The following PLCL1 variants were observed in gnomAD, a reference collection of about 807,000 sequenced individuals.
PLCL1 encodes the protein phospholipase C like 1 (inactive), also known as inactive phospholipase C-like protein 1.
A neutral mutation model predicts 84.4 loss-of-function variants in PLCL1; 41 were observed. That is an observed-to-expected ratio of 0.49 (90% CI 0.38 to 0.63). PLCL1 has a LOEUF of 0.63. Ranked by LOEUF, PLCL1 falls within the 30% of genes least tolerant of loss-of-function variation. PLCL1 has a pLI of 0.00. For synonymous variants in PLCL1, 490 were observed against 488.3 expected (o/e 1.00, Z -0.05); for missense variants, 1,206 against 1,367.8 (o/e 0.88, Z 1.87).
chr2:197,979,023 G>A (rs2105803282), intron 1 of PLCL1, among the ~76,000 whole-genome samples: 1 of 152,336 alleles, frequency 6.6e-6, no homozygotes, highest in South Asian at 2.1e-4. Context: ...GGATTGCTCT[G>A]TAGGCCCAGT....
chr2:197,833,162 T>C (rs930976726), intron 1 of PLCL1, among the ~76,000 whole-genome samples: 1 of 152,070 alleles, frequency 6.6e-6, no homozygotes, highest in African/African-American at 2.4e-5. Flanking sequence ...CTCAATAAGG[T>C]AGGTATTGAT....
chr2:197,912,513 T>C (rs1316556953), intron 1 of PLCL1, among the ~76,000 whole-genome samples: 1 of 151,486 alleles, frequency 6.6e-6, no homozygotes, highest in African/African-American at 2.4e-5. Flanking sequence ...ATTGCGGCAT[T>C]ATTCACAATA....
At chr2:197,984,147 G>T (rs1206274587) in intron 1 of PLCL1, among the ~76,000 whole-genome samples, 12 of 152,108 alleles carry the variant, frequency 7.9e-5, no homozygotes, top group African/African-American at 2.9e-4. Context: ...TGGAAAACGG[G>T]TACTTTCCAA....
intron 1 of PLCL1, among the ~76,000 whole-genome samples, chr2:197,902,991 A>G (rs1688297255): frequency 6.6e-6 from 1 of 152,242 alleles, no homozygotes; most frequent in Admixed American, 6.5e-5. Flanking sequence ...GATTTTACAA[A>G]TATGGGGCAT....
At chr2:197,820,670 C>A (rs1237333674) in intron 1 of PLCL1, among the ~76,000 whole-genome samples, 1 of 152,026 alleles carries the variant, frequency 6.6e-6, no homozygotes, top group African/African-American at 2.4e-5. Context: ...AAGTTGAAAT[C>A]AAAATTTAAA....
intron 1 of PLCL1, among the ~76,000 whole-genome samples, chr2:197,997,757 C>G (rs1559069021): frequency 6.6e-6 from 1 of 152,058 alleles, no homozygotes; most frequent in Non-Finnish European, 1.5e-5. Context: ...TGGAGTGGAG[C>G]CTTTAGAAAG....
chr2:197,864,483 C>CTT (rs112456376), intron 1 of PLCL1, among the ~76,000 whole-genome samples: 5 of 139,394 alleles, frequency 3.6e-5, no homozygotes, highest in African/African-American at 1.1e-4. Flanking sequence ...CAATAGCATT[C>CTT]TTTTTTTTTT....
chr2:197,929,118 G>T (rs1047100024), intron 1 of PLCL1, among the ~76,000 whole-genome samples: 1 of 152,136 alleles, frequency 6.6e-6, no homozygotes, highest in Admixed American at 6.6e-5. Flanking sequence ...TGAATAAACA[G>T]TTTCCAGGCC....
At chr2:197,962,248 C>A (rs956061677) in intron 1 of PLCL1, among the ~76,000 whole-genome samples, 2 of 152,064 alleles carry the variant, frequency 1.3e-5, no homozygotes, top group Non-Finnish European at 2.9e-5. Context: ...ACTGCTGATG[C>A]TCAGAGTCAC....
chr2:197,880,060 T>A (rs1435300029), intron 1 of PLCL1, among the ~76,000 whole-genome samples: 1 of 152,176 alleles, frequency 6.6e-6, no homozygotes, highest in Non-Finnish European at 1.5e-5. Flanking sequence ...GGGATTTGAA[T>A]GTGGGAATGG....
chr2:198,031,537 C>T (rs533859689), intron 1 of PLCL1, among the ~76,000 whole-genome samples: 1 of 151,954 alleles, frequency 6.6e-6, no homozygotes, highest in East Asian at 1.9e-4. Flanking sequence ...GCCACCCATG[C>T]TGGAATGCAG....
At chr2:197,972,808 A>T (rs892965034) in intron 1 of PLCL1, among the ~76,000 whole-genome samples, 2 of 152,164 alleles carry the variant, frequency 1.3e-5, no homozygotes, top group African/African-American at 4.8e-5. Flanking sequence ...TCAAGGTCTA[A>T]TTTTTATATG....
chr2:197,820,104 G>A (rs552633043), intron 1 of PLCL1, among the ~76,000 whole-genome samples: 64 of 152,156 alleles, frequency 4.2e-4, no homozygotes, highest in Admixed American at 1.2e-3. Context: ...AGCAACCACC[G>A]TTTATTGAGT....
At chr2:197,997,471 C>T (rs1690494391) in intron 1 of PLCL1, among the ~76,000 whole-genome samples, 1 of 152,230 alleles carries the variant, frequency 6.6e-6, no homozygotes, top group Admixed American at 6.5e-5. Context: ...ACACCACCTT[C>T]TTCTGGTTCT....
At chr2:197,885,826 G>A (rs1255734929) in intron 1 of PLCL1, among the ~76,000 whole-genome samples, 1 of 152,158 alleles carries the variant, frequency 6.6e-6, no homozygotes, top group Admixed American at 6.6e-5. Context: ...AATTGACCAC[G>A]GTGTGGAGGA....
chr2:198,053,685 A>G (rs574108804), intron 1 of PLCL1, among the ~76,000 whole-genome samples: 1 of 152,348 alleles, frequency 6.6e-6, no homozygotes, highest in South Asian at 2.1e-4. Flanking sequence ...TGTGAGCTGC[A>G]GTACTTCAAC....
At chr2:198,012,434 C>T (rs888769753) in intron 1 of PLCL1, among the ~76,000 whole-genome samples, 3 of 152,070 alleles carry the variant, frequency 2.0e-5, no homozygotes, top group African/African-American at 7.2e-5. Flanking sequence ...TCTTGGAATT[C>T]GTTCTGCACT....
chr2:197,929,741 G>A (rs923421257), intron 1 of PLCL1, among the ~76,000 whole-genome samples: 3 of 152,126 alleles, frequency 2.0e-5, no homozygotes, highest in African/African-American at 7.2e-5. Flanking sequence ...ATAGTGCTAG[G>A]TAACTAGTAA....
At chr2:197,887,306 A>T (rs1337468172) in intron 1 of PLCL1, among the ~76,000 whole-genome samples, 1 of 152,152 alleles carries the variant, frequency 6.6e-6, no homozygotes, top group East Asian at 1.9e-4. Context: ...ATTCTGAGGG[A>T]GGGGAGACAT....
Sources: allele counts gnomAD v4.1 joint callset (sites outside exome capture counted in the v4.1 genomes callset), GRCh38; gene constraint gnomAD v4.1.1; transcripts MANE v1.5; gene names NCBI Gene and HGNC (gene_info 2026-07-23, HGNC 2026-07-21).